Variants in ADARB2 observed in about 807,000 individuals in gnomAD.
The protein encoded by ADARB2 is adenosine deaminase RNA specific B2 (inactive).
Under a neutral mutation model 62.2 loss-of-function variants are expected in ADARB2, and 25 were observed. The observed-to-expected ratio is 0.40, with a 90% CI of 0.29 to 0.56. The LOEUF is 0.56. ADARB2 is among the 20% of genes least tolerant of loss of function. The pLI, the probability that ADARB2 is intolerant of heterozygous loss-of-function variation, is 0.43. For synonymous variants in ADARB2, 572 were observed against 500.8 expected (o/e 1.14, Z -1.90); for missense variants, 1,071 against 1,077.4 (o/e 0.99, Z 0.08).
intron 1 of ADARB2, among the ~76,000 whole-genome samples, chr10:1,442,681 T>A (rs1407233436): frequency 6.6e-6 from 1 of 152,140 alleles, no homozygotes; most frequent in Admixed American, 6.5e-5. Context: ...AATGAAAAGA[T>A]CAATAAGAAC....
chr10:1,231,127 A>C (rs1475825013), intron 6 of ADARB2, among the ~76,000 whole-genome samples: 1 of 152,052 alleles, frequency 6.6e-6, no homozygotes, highest in African/African-American at 2.4e-5. Context: ...AGGCGTGGAC[A>C]AGGCTCCTGC....
intron 3 of ADARB2, among the ~76,000 whole-genome samples, chr10:1,276,576 C>A (rs1831319232): frequency 6.6e-6 from 1 of 152,140 alleles, no homozygotes; most frequent in Non-Finnish European, 1.5e-5. Context: ...CCCATATTCA[C>A]CCAATACAGG....
At chr10:1,653,569 C>G (rs376155068) in intron 1 of ADARB2, among the ~76,000 whole-genome samples, 1,211 of 119,930 alleles carry the variant, frequency 0.01, 10 homozygotes, top group African/African-American at 0.017. Context: ...GTCTCCACCC[C>G]ACGCCTCATG....
intron 1 of ADARB2, among the ~76,000 whole-genome samples, chr10:1,509,016 T>C (rs1338701903): frequency 6.6e-6 from 1 of 152,126 alleles, no homozygotes; most frequent in Non-Finnish European, 1.5e-5. Flanking sequence ...GGTGCCTTTC[T>C]TGAAGAGGAG....
At chr10:1,509,511 C>A (rs1441425183) in intron 1 of ADARB2, among the ~76,000 whole-genome samples, 2 of 152,330 alleles carry the variant, frequency 1.3e-5, no homozygotes, top group East Asian at 3.9e-4. Context: ...CGAGCTGCTA[C>A]TGTTTTCTTT....
intron 1 of ADARB2, among the ~76,000 whole-genome samples, chr10:1,390,649 T>G (rs1832562178): frequency 6.6e-6 from 1 of 152,240 alleles, no homozygotes; most frequent in Non-Finnish European, 1.5e-5. Flanking sequence ...TCCGTTTTCT[T>G]TTTTATTCCC....
Position 1,678,631 on chromosome 10 carries a change from G to C in ADARB2, c.100+58420C>G, listed in dbSNP as rs73589097. ...TACCCTCCCTGGAGTCCCTTTTACG[G>C]GTCTGGTATGGTTAGCAAGCTGCCG... On this transcript the variant is annotated intron_variant, in intron 1 of 9. Coordinates refer to ENST00000381312, the MANE Select transcript of ADARB2 (RefSeq NM_018702.4). Among the ~76,000 whole-genome samples the C allele has an allele frequency of 8.0e-3, 1,224 of 152,152 alleles. 17 individuals carry two copies. Among genetic ancestry groups the C allele is most frequent in the African/African-American group, 0.028 (1,150 of 41,496 alleles).
At chr10:1,415,945 C>CTGG (rs1832797857) in intron 1 of ADARB2, among the ~76,000 whole-genome samples, 1 of 152,188 alleles carries the variant, frequency 6.6e-6, no homozygotes, top group Non-Finnish European at 1.5e-5. Context: ...CTGATTCTAC[C>CTGG]ACTCACCAGC....
At chr10:1,263,082 G>A (rs960831090) in intron 4 of ADARB2, among the ~76,000 whole-genome samples, 3 of 140,272 alleles carry the variant, frequency 2.1e-5, no homozygotes, top group African/African-American at 7.9e-5. Flanking sequence ...ATTGAACAAT[G>A]AGATCACATG....
At chr10:1,523,730 TTCTC>T (rs1832103534) in intron 1 of ADARB2, among the ~76,000 whole-genome samples, 1 of 152,234 alleles carries the variant, frequency 6.6e-6, no homozygotes, top group South Asian at 2.1e-4. Flanking sequence ...TGAGGCTTAA[TTCTC>T]TCTAAAATCT....
chr10:1,580,147 G>A (rs897353671), intron 1 of ADARB2, among the ~76,000 whole-genome samples: 2 of 152,182 alleles, frequency 1.3e-5, no homozygotes, highest in African/African-American at 4.8e-5. Flanking sequence ...AGGAGTACAT[G>A]TACGTGTTTG....
intron 1 of ADARB2, among the ~76,000 whole-genome samples, chr10:1,503,352 ATTT>A (rs532165381): frequency 2.1e-5 from 3 of 139,878 alleles, no homozygotes; most frequent in African/African-American, 2.7e-5. Flanking sequence ...ATACCCAGCT[ATTT>A]TTTTTTTTTT....
chr10:1,718,423 A>C (rs1485743577), intron 1 of ADARB2, among the ~76,000 whole-genome samples: 1 of 152,170 alleles, frequency 6.6e-6, no homozygotes, highest in African/African-American at 2.4e-5. Flanking sequence ...TGCCCTGGGA[A>C]CACGGTGGGG....
chr10:1,606,344 T>C (rs1588320852), intron 1 of ADARB2, among the ~76,000 whole-genome samples: 1 of 144,664 alleles, frequency 6.9e-6, no homozygotes, highest in African/African-American at 2.5e-5. Context: ...TGGCTGTGCC[T>C]GGCAAGCTCC....
intron 1 of ADARB2, among the ~76,000 whole-genome samples, chr10:1,452,247 A>G (rs1831049853): frequency 6.6e-6 from 1 of 152,214 alleles, no homozygotes; most frequent in Admixed American, 6.5e-5. Flanking sequence ...ATGTGAAAGC[A>G]CTGGTCAACT....
chr10:1,363,165 C>T lies in ADARB2; in HGVS notation c.940G>A (p.Gly314Ser), dbSNP rs928034099. The T allele has an allele frequency of 4.2e-5, 65 of 1,538,680 alleles. No individual in the cohort carries two copies. The highest frequency in any genetic ancestry group is 5.3e-5 in the Non-Finnish European group (61 of 1,151,338). The change falls in exon 3 of 10, where the codon GGC becomes AGC. Residue 314 changes from glycine (G) to serine (S), a missense_variant. Physicochemically the swap from Gly to Ser is moderately conservative, Grantham distance 56 (BLOSUM62 0). Transcript: ENST00000381312. ...RSFVMAVSVD[G>S]RTFEGSGRSK... ...CGCCCCGAGCCCTCGAACGTCCTGC[C>T]GTCCACGCTCACGGCCATCACGAAG...
chr10:1,417,769 C>T (rs911333939), intron 1 of ADARB2, among the ~76,000 whole-genome samples: 8 of 152,184 alleles, frequency 5.3e-5, no homozygotes, highest in African/African-American at 1.4e-4. Flanking sequence ...CTGGGCTCTG[C>T]GTGCTTCTTA....
chr10:1,648,269 C>T (rs1018368153), intron 1 of ADARB2, among the ~76,000 whole-genome samples: 7 of 152,176 alleles, frequency 4.6e-5, no homozygotes, highest in Non-Finnish European at 8.8e-5. Context: ...GTAACAGTCT[C>T]TTCAAAGCAG....
At chr10:1,597,005 C>G (rs547041065) in intron 1 of ADARB2, among the ~76,000 whole-genome samples, 1 of 152,246 alleles carries the variant, frequency 6.6e-6, no homozygotes, top group South Asian at 2.1e-4. Context: ...AAGTGAGCCT[C>G]CTGCCCAGGA....
Sources: allele counts gnomAD v4.1 joint callset (sites outside exome capture counted in the v4.1 genomes callset), GRCh38; gene constraint gnomAD v4.1.1; transcripts MANE v1.5; gene names NCBI Gene and HGNC (gene_info 2026-07-23, HGNC 2026-07-21).